The following CIROZ variants were observed in gnomAD, a reference collection of about 807,000 sequenced individuals.
The protein encoded by CIROZ is ciliated left-right organizer ZP-N domains-containing protein.
chr1:10,954,760 T>C, the CIROZ span, among the ~76,000 whole-genome samples: 2 of 152,070 alleles, frequency 1.3e-5, no homozygotes, highest in African/African-American at 4.8e-5. Flanking sequence ...CCCACCTCAT[T>C]TTGTAATTTT....
the CIROZ span, chr1:10,949,286 GT>G: frequency 8.6e-6 from 3 of 349,660 alleles, no homozygotes; most frequent in Non-Finnish European, 1.6e-5. Flanking sequence ...GTCCTCTGGT[GT>G]GCCTCAGTTT....
At chr1:10,947,986 G>A in the CIROZ span, 206 of 1,613,508 alleles carry the variant, frequency 1.3e-4, no homozygotes, top group Admixed American at 3.2e-4. Context: ...GGTGTCAGAA[G>A]AGCTGCTGGG....
At chr1:10,978,395 T>A in the CIROZ span, among the ~76,000 whole-genome samples, 1 of 151,626 alleles carries the variant, frequency 6.6e-6, no homozygotes, top group African/African-American at 2.4e-5. Context: ...AGGTGACAGT[T>A]GAACCAAGAT....
chr1:10,948,305 G>A, the CIROZ span: 162 of 1,613,752 alleles, frequency 1.0e-4, no homozygotes, highest in African/African-American at 7.5e-4. Flanking sequence ...GGGGCTCTCC[G>A]GGAGAACGGT....
chr1:10,948,962 C>T, the CIROZ span: 10 of 996,118 alleles, frequency 1.0e-5, no homozygotes, highest in East Asian at 1.1e-4. Flanking sequence ...CGGTGGCTCA[C>T]GACTGTAATC....
At chr1:10,956,921 G>A in the CIROZ span, 4 of 989,814 alleles carry the variant, frequency 4.0e-6, no homozygotes, top group African/African-American at 1.6e-5. Context: ...GAGGAGAGGT[G>A]GGATGAGACA....
chr1:10,961,529 T>A, the CIROZ span, among the ~76,000 whole-genome samples: 19 of 152,320 alleles, frequency 1.2e-4, no homozygotes, highest in African/African-American at 4.6e-4. Flanking sequence ...AGCACACTCA[T>A]TTTTGAAGCT....
chr1:10,948,562 G>C, the CIROZ span: 10 of 1,614,194 alleles, frequency 6.2e-6, no homozygotes, highest in Non-Finnish European at 7.6e-6. Context: ...GGTCGTTCAG[G>C]CCTCGGGGCT....
At chr1:10,957,897 G>A in the CIROZ span, 1 of 912,482 alleles carries the variant, frequency 1.1e-6, no homozygotes, top group East Asian at 2.5e-5. Context: ...CAGGACGGCA[G>A]GCCACTCTGG....
At chr1:10,947,962 C>G in the CIROZ span, 4 of 1,613,752 alleles carry the variant, frequency 2.5e-6, no homozygotes, top group Non-Finnish European at 3.4e-6. Flanking sequence ...GGCCCTCCCA[C>G]AGATGAGGCT....
the CIROZ span, among the ~76,000 whole-genome samples, chr1:10,959,215 A>G: frequency 0.015 from 2,268 of 152,218 alleles, 48 homozygotes; most frequent in African/African-American, 0.051. The surrounding 1 kb of genome is among the most constrained non-coding windows in gnomAD (Gnocchi z 4.3). Context: ...GTGCCCCCCA[A>G]TGGCACCATT....
the CIROZ span, chr1:10,964,013 T>A: frequency 1.8e-5 from 24 of 1,304,574 alleles, no homozygotes; most frequent in African/African-American, 2.2e-4. Flanking sequence ...CTACCACCTG[T>A]CTCCCTGGGC....
chr1:10,949,517 T>C, the CIROZ span: 22 of 1,222,770 alleles, frequency 1.8e-5, no homozygotes, highest in Admixed American at 4.1e-5. Flanking sequence ...TTTGGAAGAA[T>C]GGTGGTGAAA....
chr1:10,960,479 C>T, the CIROZ span, among the ~76,000 whole-genome samples: 10 of 152,304 alleles, frequency 6.6e-5, no homozygotes, highest in Admixed American at 3.3e-4. This position sits in a 1 kb window ranked among gnomAD's most constrained non-coding sequence, Gnocchi z 4.6. Flanking sequence ...CCCTTTAAGT[C>T]GCCAGGAGGA....
chr1:10,968,843 T>C, the CIROZ span, among the ~76,000 whole-genome samples: 13 of 152,328 alleles, frequency 8.5e-5, no homozygotes, highest in South Asian at 2.1e-3. Flanking sequence ...AAAACTTCTT[T>C]ATAATAACAC....
the CIROZ span, among the ~76,000 whole-genome samples, chr1:10,978,108 G>A: frequency 7.3e-5 from 11 of 150,878 alleles, no homozygotes; most frequent in African/African-American, 2.2e-4. Context: ...GGCGGAAGTC[G>A]CAGTGAGCTG....
At chr1:10,949,396 G>T in the CIROZ span, 2 of 581,244 alleles carry the variant, frequency 3.4e-6, no homozygotes, top group Middle Eastern at 9.5e-4. Flanking sequence ...GATCCAGGCC[G>T]ACAGATGAGG....
chr1:10,980,390 G>A, the CIROZ span, among the ~76,000 whole-genome samples: 2 of 152,234 alleles, frequency 1.3e-5, no homozygotes, highest in African/African-American at 2.4e-5. Flanking sequence ...ATGGACGGCC[G>A]GGTACCCGCC....
At chr1:10,972,921 C>T in the CIROZ span, among the ~76,000 whole-genome samples, 2 of 148,368 alleles carry the variant, frequency 1.3e-5, no homozygotes, top group Admixed American at 1.3e-4. Context: ...ATGCCCCCCC[C>T]ATCTCTAAAA....
Sources: allele counts gnomAD v4.1 joint callset (sites outside exome capture counted in the v4.1 genomes callset), GRCh38; gene constraint gnomAD v4.1.1; non-coding constraint Gnocchi (gnomAD v3.1); transcripts MANE v1.5; gene names NCBI Gene and HGNC (gene_info 2026-07-23, HGNC 2026-07-21).